Variants in ZSWIM6 observed in about 807,000 individuals in gnomAD.
ZSWIM6 encodes the protein zinc finger SWIM domain-containing protein 6.
In ZSWIM6, 9 loss-of-function variants were observed where a neutral mutation model predicts 113.2. That is an observed-to-expected ratio of 0.08 (90% CI 0.05 to 0.14). ZSWIM6 has a LOEUF of 0.14. Ranked by LOEUF, ZSWIM6 falls within the 10% of genes least tolerant of loss-of-function variation. ZSWIM6 has a pLI of 1.00. For synonymous variants in ZSWIM6, 611 were observed against 606.5 expected (o/e 1.01, Z -0.11); for missense variants, 1,162 against 1,552.2 (o/e 0.75, Z 4.22).
At chr5:61,542,641 T>A (rs1749772411) in intron 13 of ZSWIM6, among the ~76,000 whole-genome samples, 1 of 152,228 alleles carries the variant, frequency 6.6e-6, no homozygotes, top group Admixed American at 6.5e-5. Context: ...TACTATAAAA[T>A]TATTATTTTT....
At chr5:61,445,765 T>C (rs553291892) in intron 1 of ZSWIM6, among the ~76,000 whole-genome samples, 15 of 152,202 alleles carry the variant, frequency 9.9e-5, no homozygotes, top group Admixed American at 2.0e-4. Flanking sequence ...TAAATGAAAA[T>C]TGAAAGCAAA....
At chr5:61,505,682 G>GCCTC (rs1561268495) in intron 4 of ZSWIM6, among the ~76,000 whole-genome samples, 1 of 55,618 alleles carries the variant, frequency 1.8e-5, no homozygotes. Context: ...TTCTTTCCTT[G>GCCTC]CCTCCCTCCC....
chr5:61,337,277 TCC>T (rs34789006), intron 1 of ZSWIM6, among the ~76,000 whole-genome samples: 2 of 144,672 alleles, frequency 1.4e-5, no homozygotes, highest in Middle Eastern at 3.7e-3. Context: ...AGATTCCGTC[TCC>T]CCCCCCAAAA....
intron 1 of ZSWIM6, among the ~76,000 whole-genome samples, chr5:61,344,143 C>A (rs974110879): frequency 1.3e-5 from 2 of 152,194 alleles, no homozygotes. Flanking sequence ...GATCCATCCA[C>A]CTTGGCCTCC....
chr5:61,517,278 T>C (rs1236064753), intron 4 of ZSWIM6, among the ~76,000 whole-genome samples: 1 of 152,110 alleles, frequency 6.6e-6, no homozygotes, highest in Non-Finnish European at 1.5e-5. Context: ...AACCTTTTGA[T>C]ATTTTCTTAC....
At chr5:61,433,894 TATAA>T (rs1375541712) in intron 1 of ZSWIM6, among the ~76,000 whole-genome samples, 3 of 151,238 alleles carry the variant, frequency 2.0e-5, no homozygotes, top group Admixed American at 6.6e-5. Context: ...AAACAAAAAA[TATAA>T]ATAAGCAATA....
intron 2 of ZSWIM6, among the ~76,000 whole-genome samples, chr5:61,473,822 G>A (rs1046760035): frequency 1.6e-4 from 25 of 152,028 alleles, no homozygotes; most frequent in African/African-American, 6.0e-4. Context: ...GGGACCTAAC[G>A]TTACATTTCT....
intron 1 of ZSWIM6, among the ~76,000 whole-genome samples, chr5:61,334,113 A>G (rs1744334067): frequency 6.6e-6 from 1 of 152,230 alleles, no homozygotes; most frequent in African/African-American, 2.4e-5. Context: ...ATATTTGACA[A>G]AGGCGAGAGA....
At chr5:61,371,182 T>A (rs1446162428) in intron 1 of ZSWIM6, among the ~76,000 whole-genome samples, 4 of 152,228 alleles carry the variant, frequency 2.6e-5, no homozygotes, top group Admixed American at 6.5e-5. Context: ...CCTTTTTAGA[T>A]GTTTAGTCGC....
chr5:61,411,547 T>C (rs768473524), intron 1 of ZSWIM6, among the ~76,000 whole-genome samples: 64 of 152,240 alleles, frequency 4.2e-4, no homozygotes, highest in Non-Finnish European at 1.8e-4. Flanking sequence ...TGAAATATAT[T>C]GTCTTCAATG....
intron 5 of ZSWIM6, among the ~76,000 whole-genome samples, chr5:61,523,083 G>T (rs748985834): frequency 6.6e-6 from 1 of 152,164 alleles, no homozygotes; most frequent in East Asian, 1.9e-4. Context: ...GGACCGAAAG[G>T]CACCAGGGTA....
chr5:61,402,374 C>G (rs185561027), intron 1 of ZSWIM6, among the ~76,000 whole-genome samples: 1 of 152,158 alleles, frequency 6.6e-6, no homozygotes, highest in Admixed American at 6.5e-5. Flanking sequence ...TCTTTTAAAA[C>G]TACAATGGAA....
intron 1 of ZSWIM6, among the ~76,000 whole-genome samples, chr5:61,363,206 A>T (rs945196892): frequency 6.6e-6 from 1 of 152,190 alleles, no homozygotes; most frequent in East Asian, 1.9e-4. Context: ...AGGCCAATCA[A>T]ATGGAAAAGG....
chr5:61,525,966 C>G lies in ZSWIM6; in HGVS notation c.1680C>G (p.Pro560=). The G allele has an allele frequency of 6.4e-7, 1 of 1,552,058 alleles. No individual in the cohort carries two copies. Among genetic ancestry groups the G allele is most frequent in the Non-Finnish European group, 8.7e-7 (1 of 1,147,028 alleles). ...ENSLFDSRGW[P]LWHEHVPTAC... The stretch of plus-strand genomic sequence containing the variant: ...CCCTCTTCGACTCCCGCGGGTGGCC[C>G]CTCTGGCATGGTAAGTGACCAAACC... Residue 560 remains proline, a synonymous_variant, in exon 6 of 14, where the codon CCC becomes CCG. Transcript: ENST00000252744.
In ZSWIM6 at chr5:61,332,348, G is replaced by GGCA. The variant is rs887250579; in HGVS notation, c.82_84dup (p.Ser28dup). 15 of 1,027,474 alleles carry GGCA rather than the reference G, an allele frequency of 1.5e-5. No individual in the cohort carries two copies. The highest frequency in any genetic ancestry group is 4.4e-5 in the South Asian group (1 of 22,598). 63.6% of individuals were successfully genotyped at this position (1,027,474 alleles called of 1,614,324 possible). On this transcript the variant is annotated inframe_insertion, in exon 1 of 14. Transcript: ENST00000252744. ...GCCGGGCGGCGGCGGCGGCGGCGGG[G>GGCA]GCAGCAGCGGCGGCGGCGGCGGCGC...
chr5:61,353,956 G>A (rs1385090503), intron 1 of ZSWIM6, among the ~76,000 whole-genome samples: 1 of 152,190 alleles, frequency 6.6e-6, no homozygotes, highest in Non-Finnish European at 1.5e-5. Context: ...GATAGATTCA[G>A]CAGATGCTGT....
At chr5:61,432,243 G>A (rs1231653763) in intron 1 of ZSWIM6, among the ~76,000 whole-genome samples, 1 of 152,180 alleles carries the variant, frequency 6.6e-6, no homozygotes, top group Admixed American at 6.5e-5. Context: ...TTTGAATTTA[G>A]AAACAATTGT....
intron 1 of ZSWIM6, among the ~76,000 whole-genome samples, chr5:61,355,305 C>G (rs921036534): frequency 3.9e-5 from 6 of 152,006 alleles, no homozygotes; most frequent in African/African-American, 1.5e-4. Flanking sequence ...TTCCTTTGGG[C>G]TAGAGAAAGT....
Position 61,468,339 on chromosome 5 carries a change from A to G in ZSWIM6, c.677-4342A>G, listed in dbSNP as rs184228987. On this transcript the variant is annotated intron_variant, in intron 1 of 13. Coordinates refer to ENST00000252744, the MANE Select transcript of ZSWIM6 (RefSeq NM_020928.2). ...TGGGTTCTGTGACAGCATGATGATA[A>G]AACAGTTTGACTGCTCTGTGAAGCT... 2.8e-4 allele frequency among the ~76,000 whole-genome samples: 42 copies of G among 152,356 alleles called. No individual in the cohort carries two copies. In the East Asian group the frequency reaches 7.9e-3, roughly 29 times the overall value.
Sources: gnomAD v4.1 joint callset for allele counts (sites outside exome capture counted in the v4.1 genomes callset) on GRCh38, gnomAD v4.1.1 for gene constraint, MANE v1.5 for transcripts, NCBI Gene and HGNC (gene_info 2026-07-23, HGNC 2026-07-21) for gene names.